RGN: variants seen among roughly 807,000 people sequenced by gnomAD.
The protein encoded by RGN is regucalcin.
RGN carries 19 observed loss-of-function variants against 20.6 expected under a neutral mutation model. That is an observed-to-expected ratio of 0.92 (90% CI 0.64 to 1.35). The LOEUF is 1.35. Among genes scored for constraint, RGN ranks in the 40% most tolerant of loss-of-function variants. The pLI is 0.00. For synonymous variants in RGN, 85 were observed against 87.2 expected, an observed-to-expected ratio of 0.97 and a Z score of 0.14; for missense variants, 302 against 232.7, an observed-to-expected ratio of 1.30 and a Z score of -1.94.
At chrX:47,091,193 G>C (rs1391911739) in intron 5 of RGN, among the ~76,000 whole-genome samples, 1 of 110,999 alleles carries the variant, frequency 9.0e-6, no homozygotes, top group Non-Finnish European at 1.9e-5. Flanking sequence ...CAAGAAACAG[G>C]CTCTTCTAAT....
At chrX:47,084,734 G>GCT in intron 4 of RGN, 134 bp downstream of exon 4, 2 of 515,339 alleles carry the variant, frequency 3.9e-6, no homozygotes, top group Non-Finnish European at 6.2e-6. Flanking sequence ...CGAGTAGGTC[G>GCT]CATGAGCCCA....
At chrX:47,081,504 A>G (rs782195795) in intron 3 of RGN, among the ~76,000 whole-genome samples, 197 bp downstream of exon 3, 1 of 86,832 alleles carries the variant, frequency 1.2e-5, no homozygotes, top group South Asian at 7.4e-4. Flanking sequence ...ATGAGGGGCA[A>G]CATTCCTAGT....
intron 5 of RGN, among the ~76,000 whole-genome samples, chrX:47,090,304 A>T (rs1930887178): frequency 9.0e-6 from 1 of 111,398 alleles, no homozygotes; most frequent in Admixed American, 9.7e-5. Context: ...CACCAGAAAG[A>T]GGTTCACTGC....
In RGN at chrX:47,091,764, G is replaced by T. The variant is rs781875659; in HGVS notation, c.649G>T (p.Ala217Ser). Residue 217 changes from alanine to serine, a missense_variant, in exon 6 of 8, where the codon GCC becomes TCC. Physicochemically the swap from Ala to Ser is moderately conservative, Grantham distance 99 (BLOSUM62 1). Transcript: ENST00000397180. ...CIDAEGKLWVACYNGGRVIRL... is the reference protein window; with the variant it reads ...CIDAEGKLWVSCYNGGRVIRL... ...TGATGCTGAGGGGAAGCTCTGGGTG[G>T]CCTGTTACAATGGAGGAAGAGTGAT... 3.1e-5 allele frequency: 38 copies of T among 1,208,874 alleles called. No individual in the cohort carries two copies. Among genetic ancestry groups the T allele is most frequent in the Non-Finnish European group, 4.2e-5 (38 of 894,618 alleles).
chrX:47,087,917 ATATAAT>A (rs1602448569), intron 4 of RGN, among the ~76,000 whole-genome samples: 2 of 100,958 alleles, frequency 2.0e-5, no homozygotes, highest in Non-Finnish European at 4.0e-5. Flanking sequence ...TTATATATAA[ATATAAT>A]TATATATTAT....
Position 47,092,167 on chromosome X carries a change from G to T in RGN, c.801G>T (p.Met267Ile). ...ATGTGACCTGCGCCCGGGATGGGAT[G>T]GACCCCGAGGGTCTTTTGAGGCAAC... ...EMYVTCARDGMDPEGLLRQPE... is the reference protein window; with the variant it reads ...EMYVTCARDGIDPEGLLRQPE... The change falls in exon 7 of 8, where the codon ATG becomes ATT. Residue 267 changes from methionine (M) to isoleucine (I), a missense_variant. By Grantham distance (10) the Met-to-Ile change is conservative (BLOSUM62 1). Coordinates refer to ENST00000397180, the MANE Select transcript of RGN (RefSeq NM_152869.4). The T allele has an allele frequency of 8.4e-7, 1 of 1,194,954 alleles. No individual in the cohort carries two copies. Among genetic ancestry groups the T allele is most frequent in the South Asian group, 1.8e-5 (1 of 54,562 alleles).
At position 47,086,739 on chromosome X, in the gene RGN, GAGAGAGA is replaced by G. The variant is rs1556384428; in HGVS notation, c.346+2140_346+2146del. Among the ~76,000 whole-genome samples the G allele has an allele frequency of 7.4e-5, 3 of 40,289 alleles. No individual in the cohort carries two copies. The African/African-American group carries it at 9.7e-4, about 13-fold the overall frequency. The allele number at this position is 40,289 out of a possible 115,157, so 35.0% of individuals were successfully genotyped here. ...CCCTAGAACCAGTGATAACAGGAGAGAGAGAGAGAGAGAGAGAGAGAGAGAGAGAGAG... is the reference window on the plus strand; with the variant it reads ...CCCTAGAACCAGTGATAACAGGAGAGGAGAGAGAGAGAGAGAGAGAGAGAG... On this transcript the variant is annotated intron_variant, in intron 4 of 7. Coordinates refer to ENST00000397180, the MANE Select transcript of RGN (RefSeq NM_152869.4).
chrX:47,090,137 G>A (rs1556386968), intron 5 of RGN, 146 bp downstream of exon 5: 4 of 380,607 alleles, frequency 1.1e-5, no homozygotes, highest in East Asian at 8.4e-5. Context: ...ATATAGTAAC[G>A]ACAGCACAGA....
At chrX:47,083,268 C>G (rs1170984813) in intron 3 of RGN, among the ~76,000 whole-genome samples, 4 of 108,547 alleles carry the variant, frequency 3.7e-5, no homozygotes, top group Admixed American at 2.0e-4. Flanking sequence ...GGCATGGTAG[C>G]ACAGCCTGTA....
At chrX:47,086,268 T>C (rs1437460804) in intron 4 of RGN, among the ~76,000 whole-genome samples, 1 of 111,433 alleles carries the variant, frequency 9.0e-6, no homozygotes, top group African/African-American at 3.3e-5. Context: ...AATGTTCTGT[T>C]CTCAGGGTAA....
At chrX:47,089,120 G>A (rs1470799640) in intron 4 of RGN, among the ~76,000 whole-genome samples, 1 of 38,186 alleles carries the variant, frequency 2.6e-5, no homozygotes, top group Admixed American at 2.2e-4. Context: ...CTGAGCCTGG[G>A]GGAGGTGGAG....
chrX:47,087,329 T>G (rs868910402), intron 4 of RGN, among the ~76,000 whole-genome samples: 1 of 111,590 alleles, frequency 9.0e-6, no homozygotes, highest in Non-Finnish European at 1.9e-5. Flanking sequence ...GCTTCCCATC[T>G]TCCTGGACTT....
At chrX:47,083,700 C>G (rs1268803262) in intron 3 of RGN, among the ~76,000 whole-genome samples, 2 of 111,730 alleles carry the variant, frequency 1.8e-5, no homozygotes, top group African/African-American at 6.5e-5. Flanking sequence ...CACCTGAGGT[C>G]AGGAGTTCGA....
intron 1 of RGN, among the ~76,000 whole-genome samples, chrX:47,079,523 C>G (rs782061452): frequency 1.2e-3 from 127 of 107,857 alleles, no homozygotes; most frequent in African/African-American, 4.0e-3. Flanking sequence ...CTCTGCCTCC[C>G]GGGTTCAAAC....
At chrX:47,084,081 A>G (rs1475517271) in intron 3 of RGN, among the ~76,000 whole-genome samples, 4 of 110,845 alleles carry the variant, frequency 3.6e-5, no homozygotes, top group African/African-American at 1.3e-4. Flanking sequence ...TGGTGCCCCT[A>G]GATTAGAAAC....
At chrX:47,089,474 T>TTATATATACTTATATATACA (rs1930798172) in intron 4 of RGN, among the ~76,000 whole-genome samples, 1 of 48,576 alleles carries the variant, frequency 2.1e-5, no homozygotes, top group Non-Finnish European at 3.7e-5. Flanking sequence ...TATACATATA[T>TTATATATACTTATATATACA]TATATATACT....
chrX:47,090,142 C>A, intron 5 of RGN, 151 bp downstream of exon 5: 3 of 373,899 alleles, frequency 8.0e-6, no homozygotes, highest in Non-Finnish European at 1.4e-5. Context: ...GTAACGACAG[C>A]ACAGACTTGA....
At chrX:47,088,912 C>G (rs1380063894) in intron 4 of RGN, among the ~76,000 whole-genome samples, 2 of 73,604 alleles carry the variant, frequency 2.7e-5, no homozygotes, top group Non-Finnish European at 5.1e-5. Flanking sequence ...CCAGCCTGGG[C>G]AACAGAGCAA....
chrX:47,083,297 G>A (rs1930426917), intron 3 of RGN, among the ~76,000 whole-genome samples: 1 of 109,024 alleles, frequency 9.2e-6, no homozygotes, highest in South Asian at 4.0e-4. Flanking sequence ...TACTAGGGAG[G>A]CTGAGGCAGG....
Sources: gnomAD v4.1 joint callset for allele counts (sites outside exome capture counted in the v4.1 genomes callset) on GRCh38, gnomAD v4.1.1 for gene constraint, MANE v1.5 for transcripts, NCBI Gene and HGNC (gene_info 2026-07-23, HGNC 2026-07-21) for gene names.